SPATS2L: variants seen among roughly 807,000 people sequenced by gnomAD.
SPATS2L encodes SPATS2-like protein.
Under a neutral mutation model 59.6 loss-of-function variants are expected in SPATS2L, and 30 were observed. The observed-to-expected ratio is 0.50, with a 90% CI of 0.38 to 0.68. The LOEUF is 0.68. SPATS2L is among the 30% of genes least tolerant of loss of function. The probability of loss-of-function intolerance (pLI) is 0.00; values close to 1 mark genes in which losing one functional copy is unlikely to be tolerated. For synonymous variants in SPATS2L, 252 were observed against 263.5 expected, an observed-to-expected ratio of 0.96 and a Z score of 0.42; for missense variants, 615 against 700.0, an observed-to-expected ratio of 0.88 and a Z score of 1.37.
At chr2:200,332,306 G>A (rs1221794427) in intron 2 of SPATS2L, among the ~76,000 whole-genome samples, 1 of 151,888 alleles carries the variant, frequency 6.6e-6, no homozygotes, top group East Asian at 1.9e-4. Context: ...GTGCAGTGGC[G>A]CCAACACAGC....
Position 200,346,615 on chromosome 2 carries a change from C to A in SPATS2L, c.-23+17135C>A, listed in dbSNP as rs567194545. On this transcript the variant is annotated intron_variant, in intron 2 of 12. Transcript: ENST00000409140. ...TCAGAGAGAATCTCATTTTGGCATT[C>A]TTTATATCCTCTAATGTATGATGTG... 2.0e-5 allele frequency among the ~76,000 whole-genome samples: 3 copies of A among 152,200 alleles called. No individual in the cohort carries two copies. In the East Asian group the frequency reaches 5.8e-4, roughly 29 times the overall value.
intron 4 of SPATS2L, among the ~76,000 whole-genome samples, 186 bp downstream of exon 4, chr2:200,412,605 C>CAAAAAAAAAA (rs11324274): frequency 1.6e-5 from 2 of 126,278 alleles, no homozygotes; most frequent in Non-Finnish European, 3.3e-5. Flanking sequence ...GACCCCATCT[C>CAAAAAAAAAA]AAAAAAAAAA....
intron 3 of SPATS2L, among the ~76,000 whole-genome samples, chr2:200,403,593 C>A (rs983884737): frequency 6.6e-6 from 1 of 152,160 alleles, no homozygotes; most frequent in Non-Finnish European, 1.5e-5. Flanking sequence ...AATTCATCCT[C>A]CCCCTTCATA....
intron 1 of SPATS2L, among the ~76,000 whole-genome samples, chr2:200,307,286 G>T (rs143647594): frequency 6.6e-6 from 1 of 151,530 alleles, no homozygotes; most frequent in Non-Finnish European, 1.5e-5. Flanking sequence ...TCCCTCGCCT[G>T]CCGTCCTCCC....
intron 9 of SPATS2L, among the ~76,000 whole-genome samples, chr2:200,462,219 C>A (rs1472073989): frequency 1.3e-5 from 2 of 152,156 alleles, no homozygotes; most frequent in Non-Finnish European, 2.9e-5. Flanking sequence ...TCTTAGAGGT[C>A]AAGAAAAGAC....
At chr2:200,470,945 G>A (rs114410935) in intron 11 of SPATS2L, among the ~76,000 whole-genome samples, 2,061 of 152,104 alleles carry the variant, frequency 0.014, 53 homozygotes, top group African/African-American at 0.047. Context: ...GATCACCTGA[G>A]GCCAGGAGTT....
At chr2:200,412,181 A>C (rs764981448) in intron 3 of SPATS2L, 130 bp from the exon 4 acceptor site, 2 of 548,220 alleles carry the variant, frequency 3.6e-6, no homozygotes, top group Non-Finnish European at 3.1e-6. Flanking sequence ...ATGCTTGATG[A>C]CAAGAAGGTA....
At chr2:200,349,364 G>A (rs1559057794) in intron 2 of SPATS2L, among the ~76,000 whole-genome samples, 2 of 152,222 alleles carry the variant, frequency 1.3e-5, no homozygotes, top group African/African-American at 4.8e-5. Context: ...GGCCGGGCAT[G>A]GTGGCTCACA....
At chr2:200,347,200 A>G (rs2080542598) in intron 2 of SPATS2L, among the ~76,000 whole-genome samples, 1 of 152,152 alleles carries the variant, frequency 6.6e-6, no homozygotes, top group African/African-American at 2.4e-5. Flanking sequence ...CCTACCCAGT[A>G]CCCATTCTTT....
chr2:200,321,573 T>G (rs1475371192), intron 1 of SPATS2L, among the ~76,000 whole-genome samples: 1 of 152,256 alleles, frequency 6.6e-6, no homozygotes, highest in Non-Finnish European at 1.5e-5. Context: ...TTAGAATGAC[T>G]GCATAAATTT....
Position 200,440,547 on chromosome 2 carries a change from G to C in SPATS2L, c.653-102G>C. The C allele has an allele frequency of 2.6e-6, 3 of 1,138,438 alleles. 1 individual carries two copies. In the South Asian group the frequency reaches 4.6e-5, roughly 18 times the overall value. The allele number at this position is 1,138,438 out of a possible 1,614,324, so 70.5% of individuals were successfully genotyped here. On this transcript the variant is annotated intron_variant, in intron 7 of 12. Transcript: ENST00000409140. The stretch of plus-strand genomic sequence containing the variant: ...ATGGAACTTTTACTAGACAAAAGAT[G>C]AGTCCCTTTTTCTGGTGGGCTAATT...
At position 200,478,230 on chromosome 2, in the gene SPATS2L, T is replaced by C. The variant is rs1015748566; in HGVS notation, c.*199T>C. 1.8e-5 allele frequency: 9 copies of C among 487,624 alleles called. No individual in the cohort carries two copies. The East Asian group carries it at 3.2e-4, about 17-fold the overall frequency. 30.2% of individuals were successfully genotyped at this position (487,624 alleles called of 1,614,324 possible). On this transcript the variant is annotated 3_prime_UTR_variant, in exon 13 of 13. Coordinates refer to ENST00000409140, the MANE Select transcript of SPATS2L (RefSeq NM_001100423.2). ...TTCATGGCTTTGCTTGATCTGTTGA[T>C]GCTTTCTCTCATCAAGACTTTGCAG...
At chr2:200,473,591 T>C (rs1236060663) in intron 12 of SPATS2L, among the ~76,000 whole-genome samples, 7 of 152,226 alleles carry the variant, frequency 4.6e-5, no homozygotes, top group Non-Finnish European at 8.8e-5. Context: ...TTCATTCTTA[T>C]CTATTATGAT....
chr2:200,448,074 G>A (rs2881744), intron 8 of SPATS2L, among the ~76,000 whole-genome samples: 1 of 151,908 alleles, frequency 6.6e-6, no homozygotes, highest in Non-Finnish European at 1.5e-5. Flanking sequence ...GAGCCCCCAG[G>A]TTGAGGCTGT....
intron 1 of SPATS2L, among the ~76,000 whole-genome samples, chr2:200,320,202 A>G (rs1442066901): frequency 6.6e-6 from 1 of 152,190 alleles, no homozygotes; most frequent in Non-Finnish European, 1.5e-5. Flanking sequence ...TAATGAGATC[A>G]TTATTGGTCT....
At chr2:200,352,376 A>G (rs1476206674) in intron 2 of SPATS2L, among the ~76,000 whole-genome samples, 1 of 126,482 alleles carries the variant, frequency 7.9e-6, no homozygotes, top group African/African-American at 3.4e-5. Context: ...TATATATGGT[A>G]AACAAGCTCG....
chr2:200,341,238 C>T (rs1329206889), intron 2 of SPATS2L, among the ~76,000 whole-genome samples: 2 of 152,130 alleles, frequency 1.3e-5, no homozygotes, highest in African/African-American at 2.4e-5. Flanking sequence ...CAAGGTCGCA[C>T]GATTAACCCT....
chr2:200,434,859 A>G (rs1296152659), intron 6 of SPATS2L, among the ~76,000 whole-genome samples: 2 of 152,172 alleles, frequency 1.3e-5, no homozygotes, highest in African/African-American at 4.8e-5. Flanking sequence ...TTAAATTTAT[A>G]TTAAAATGCA....
At chr2:200,362,125 T>TA (rs2081127956) in intron 2 of SPATS2L, among the ~76,000 whole-genome samples, 1 of 152,098 alleles carries the variant, frequency 6.6e-6, no homozygotes, top group South Asian at 2.1e-4. Flanking sequence ...CACATGCCTG[T>TA]AATCCCAGCT....
Sources: allele counts gnomAD v4.1 joint callset (sites outside exome capture counted in the v4.1 genomes callset), GRCh38; gene constraint gnomAD v4.1.1; transcripts MANE v1.5; gene names NCBI Gene and HGNC (gene_info 2026-07-23, HGNC 2026-07-21).